Variants in GLT1D1 observed in about 807,000 individuals in gnomAD.
GLT1D1 encodes the protein glycosyltransferase 1 domain containing 1.
Under a neutral mutation model 28.7 loss-of-function variants are expected in GLT1D1, and 21 were observed. The ratio of observed to expected loss-of-function variants is 0.73; its 90% confidence interval spans 0.52 to 1.05. The LOEUF is 1.05. Among genes scored for constraint, GLT1D1 ranks in the 50% least tolerant of loss-of-function variants. The pLI is 0.00. For missense variants in GLT1D1, 343 were observed against 330.6 expected, an observed-to-expected ratio of 1.04 and a Z score of -0.29; for synonymous variants, 147 against 124.8, an observed-to-expected ratio of 1.18 and a Z score of -1.19.
intron 4 of GLT1D1, chr12:128,912,439 A>G (rs1871637821): frequency 2.6e-6 from 4 of 1,526,880 alleles, no homozygotes; most frequent in Non-Finnish European, 3.5e-6. Context: ...TGCTAAGGGT[A>G]AGGTCTATGT....
At chr12:128,948,292 G>T (rs1415730610) in intron 6 of GLT1D1, among the ~76,000 whole-genome samples, 2 of 152,164 alleles carry the variant, frequency 1.3e-5, no homozygotes, top group Admixed American at 1.3e-4. Context: ...GTGTCTCACA[G>T]AAAAAGATGT....
At chr12:128,982,642 G>A (rs769512765) in intron 7 of GLT1D1, among the ~76,000 whole-genome samples, 1 of 152,136 alleles carries the variant, frequency 6.6e-6, no homozygotes, top group Non-Finnish European at 1.5e-5. Flanking sequence ...GATGGCTCCA[G>A]TATTTTTCGT....
At chr12:128,935,213 G>C (rs1344868698) in intron 4 of GLT1D1, among the ~76,000 whole-genome samples, 1 of 152,192 alleles carries the variant, frequency 6.6e-6, no homozygotes, top group Non-Finnish European at 1.5e-5. Context: ...TCATCTCTCT[G>C]CTTTTTAATT....
intron 4 of GLT1D1, among the ~76,000 whole-genome samples, chr12:128,903,036 A>AC (rs1555265975): frequency 3.3e-5 from 5 of 151,120 alleles, no homozygotes; most frequent in Non-Finnish European, 7.4e-5. Context: ...AAAAAAAAAA[A>AC]GAAAGAAATA....
chr12:128,944,891 G>A (rs1338840061), intron 4 of GLT1D1: 109 of 421,350 alleles, frequency 2.6e-4, no homozygotes, highest in Non-Finnish European at 1.6e-4. Flanking sequence ...GTGGTTTGCT[G>A]CACCCATCAA....
intron 7 of GLT1D1, among the ~76,000 whole-genome samples, chr12:128,974,216 G>A (rs1360483132): frequency 6.6e-6 from 1 of 152,152 alleles, no homozygotes; most frequent in African/African-American, 2.4e-5. Context: ...CCACCTGCCA[G>A]CTCTGTGCGT....
At chr12:128,966,125 C>G (rs1294944796) in intron 7 of GLT1D1, among the ~76,000 whole-genome samples, 1 of 152,220 alleles carries the variant, frequency 6.6e-6, no homozygotes, top group Non-Finnish European at 1.5e-5. Flanking sequence ...CTCTTTCCCC[C>G]TGCAACCACT....
chr12:128,920,040 A>G (rs1342081889), intron 4 of GLT1D1, among the ~76,000 whole-genome samples: 1 of 149,236 alleles, frequency 6.7e-6, no homozygotes, highest in Non-Finnish European at 1.5e-5. Flanking sequence ...TTGTATTTCT[A>G]TAATGGAAAC....
chr12:128,957,454 C>A, intron 6 of GLT1D1, 91 bp from the exon 11 acceptor site: 1 of 787,962 alleles, frequency 1.3e-6, no homozygotes, highest in South Asian at 1.5e-5. Flanking sequence ...CCAGTTAACC[C>A]AAGAAGTTAT....
At chr12:128,858,428 T>A (rs1010582002) in intron 1 of GLT1D1, among the ~76,000 whole-genome samples, 19 of 152,264 alleles carry the variant, frequency 1.2e-4, no homozygotes, top group African/African-American at 4.3e-4. Flanking sequence ...TCACAACACT[T>A]TGGGAGGCCA....
At chr12:128,865,229 G>A (rs778288385) in intron 1 of GLT1D1, among the ~76,000 whole-genome samples, 1 of 152,088 alleles carries the variant, frequency 6.6e-6, no homozygotes, top group Non-Finnish European at 1.5e-5. Flanking sequence ...CACATCCCAC[G>A]TCAGGCCCAT....
intron 4 of GLT1D1, chr12:128,945,009 A>T (rs1217059873): frequency 1.7e-6 from 1 of 601,600 alleles, no homozygotes; most frequent in East Asian, 2.8e-5. Context: ...ATGTGTTCTC[A>T]TTGTTCAATT....
Position 128,853,542 on chromosome 12 carries a change from G to A in GLT1D1, c.-40G>A. 1 of 1,037,458 alleles carries A rather than the reference G, an allele frequency of 9.6e-7. No homozygotes were observed. Among genetic ancestry groups the A allele is most frequent in the Non-Finnish European group, 1.2e-6 (1 of 868,156 alleles). The allele number at this position is 1,037,458 out of a possible 1,614,324, so 64.3% of individuals were successfully genotyped here. A position where few individuals can be genotyped will look rare whatever the true frequency, so the allele number is the denominator to read the frequency against. On this transcript the variant is annotated 5_prime_UTR_variant, in exon 1 of 8. Coordinates refer to ENST00000281703, the MANE Select transcript of GLT1D1 (RefSeq NM_144669.3). ...GCGCCGGCCCCGGGGCCTGGTCGGC[G>A]GCGGCGGGGCCGGTCGATGGCCCGG...
At chr12:128,856,679 A>G (rs1477951917) in intron 1 of GLT1D1, among the ~76,000 whole-genome samples, 1 of 152,206 alleles carries the variant, frequency 6.6e-6, no homozygotes, top group African/African-American at 2.4e-5. Flanking sequence ...GTGCTAGGAA[A>G]TGAGTCAGAG....
chr12:128,915,008 T>G lies in GLT1D1; in HGVS notation c.375+15721T>G. 1 of 1,526,538 alleles carries G rather than the reference T, an allele frequency of 6.6e-7. No individual in the cohort carries two copies. The highest frequency in any genetic ancestry group is 8.8e-7 in the Non-Finnish European group (1 of 1,138,808). 94.6% of individuals were successfully genotyped at this position (1,526,538 alleles called of 1,614,324 possible). On this transcript the variant is annotated intron_variant, in intron 4 of 7. Coordinates refer to ENST00000281703, the MANE Select transcript of GLT1D1 (RefSeq NM_144669.3). ...CGCTCTGGTGAGACATGAGATCTTC[T>G]TAGAGGATTTTGATGAAGTGCATCT...
At chr12:128,926,407 G>C (rs1873225413) in intron 4 of GLT1D1, 1 of 1,532,898 alleles carries the variant, frequency 6.5e-7, no homozygotes. Flanking sequence ...CTGATATGTG[G>C]ACTTCGACAA....
chr12:128,873,449 T>C (rs1956750178), intron 1 of GLT1D1, among the ~76,000 whole-genome samples: 1 of 152,234 alleles, frequency 6.6e-6, no homozygotes, highest in Non-Finnish European at 1.5e-5. Flanking sequence ...GGTAGTTTTT[T>C]GGTCTTTTTG....
intron 3 of GLT1D1, among the ~76,000 whole-genome samples, chr12:128,897,772 C>T (rs1218135514): frequency 6.6e-6 from 1 of 151,994 alleles, no homozygotes; most frequent in African/African-American, 2.4e-5. Flanking sequence ...GGGTTCACAC[C>T]ATCCTCCTGC....
chr12:128,956,459 T>C (rs947131922), intron 6 of GLT1D1, among the ~76,000 whole-genome samples: 3 of 152,202 alleles, frequency 2.0e-5, no homozygotes, highest in African/African-American at 7.2e-5. Flanking sequence ...TGCAGCATCA[T>C]GAAGTCAAAA....
Sources: gnomAD v4.1 joint callset for allele counts (sites outside exome capture counted in the v4.1 genomes callset) on GRCh38, gnomAD v4.1.1 for gene constraint, MANE v1.5 for transcripts, NCBI Gene and HGNC (gene_info 2026-07-23, HGNC 2026-07-21) for gene names.